MGST1: variants seen among roughly 807,000 people sequenced by gnomAD.
MGST1 encodes glutathione S-transferase 12.
A neutral mutation model predicts 8.9 loss-of-function variants in MGST1; 5 were observed. The observed-to-expected ratio is 0.56, with a 90% CI of 0.29 to 1.19. MGST1 has a LOEUF of 1.19. Ranked by LOEUF, MGST1 falls within the 50% of genes most tolerant of loss-of-function variation. MGST1 has a pLI of 0.08. For synonymous variants in MGST1, 54 were observed against 67.8 expected, an observed-to-expected ratio of 0.80 and a Z score of 1.00; for missense variants, 182 against 187.4, an observed-to-expected ratio of 0.97 and a Z score of 0.17.
At chr12:16,539,453 T>C (rs1334149988) in intron 4 of MGST1, among the ~76,000 whole-genome samples, 1 of 152,324 alleles carries the variant, frequency 6.6e-6, no homozygotes, top group East Asian at 1.9e-4. Flanking sequence ...TATCCCAAGA[T>C]AATTTCAATG....
At chr12:16,387,333 CATT>C (rs1940512453) in intron 1 of MGST1, among the ~76,000 whole-genome samples, 1 of 152,098 alleles carries the variant, frequency 6.6e-6, no homozygotes, top group Admixed American at 6.6e-5. Context: ...GCTGTCCTAA[CATT>C]ATAGTGCAAA....
chr12:16,585,901 T>C lies in MGST1; in HGVS notation n.483-3627T>C, dbSNP rs1405623372. On this transcript the variant is annotated intron_variant and non_coding_transcript_variant, in intron 4 of 4. Transcript: ENST00000538857. The surrounding 1 kb of genome is among the most constrained non-coding windows in gnomAD (Gnocchi z 4.7). ...AAGTAAAACATCATTTAGTCATTTA[T>C]AGTCTCAGAAATCTTGCTTATCCTA... 6.6e-6 allele frequency among the ~76,000 whole-genome samples: 1 copy of C among 152,202 alleles called. No individual in the cohort carries two copies. The highest frequency in any genetic ancestry group is 1.5e-5 in the Non-Finnish European group (1 of 68,022).
intron 1 of MGST1, among the ~76,000 whole-genome samples, chr12:16,385,620 C>T (rs1215070750): frequency 6.6e-6 from 1 of 151,936 alleles, no homozygotes; most frequent in Non-Finnish European, 1.5e-5. Context: ...TAATCTGATG[C>T]AACTGTATCT....
In MGST1 at chr12:16,578,547, G is replaced by A. The variant is rs1173829691; in HGVS notation, n.483-10981G>A. On this transcript the variant is annotated intron_variant and non_coding_transcript_variant, in intron 4 of 4. Coordinates refer to the MGST1 transcript ENST00000538857. The stretch of plus-strand genomic sequence containing the variant: ...TAAAAATCACATTAGGCCGGGCGCC[G>A]TGGCTCATGCCTGTAATCCCAGCCC... Among the ~76,000 whole-genome samples, 8 of 152,258 alleles carry A rather than the reference G, an allele frequency of 5.3e-5. No homozygotes were observed. In the South Asian group the frequency reaches 8.3e-4, roughly 16 times the overall value.
downstream of MGST1, among the ~76,000 whole-genome samples, chr12:16,591,586 G>T (rs368730581): frequency 1.3e-5 from 2 of 151,968 alleles, no homozygotes; most frequent in East Asian, 3.9e-4. The surrounding 1 kb of genome is among the most constrained non-coding windows in gnomAD (Gnocchi z 4.1). Flanking sequence ...TATACAGAAT[G>T]ATCACATTTA....
intron 3 of MGST1, among the ~76,000 whole-genome samples, chr12:16,371,769 A>G (rs1336028909): frequency 6.6e-6 from 1 of 152,112 alleles, no homozygotes; most frequent in Non-Finnish European, 1.5e-5. Flanking sequence ...ATAAGTACCT[A>G]TGTAACATAC....
At chr12:16,457,199 A>G (rs1396753948) in intron 4 of MGST1, among the ~76,000 whole-genome samples, 1 of 151,992 alleles carries the variant, frequency 6.6e-6, no homozygotes, top group African/African-American at 2.4e-5. Context: ...ACTAATGCAT[A>G]CTTATTAAAT....
chr12:16,393,337 C>A (rs1163956294), intron 1 of MGST1, among the ~76,000 whole-genome samples: 1 of 152,162 alleles, frequency 6.6e-6, no homozygotes, highest in Non-Finnish European at 1.5e-5. Flanking sequence ...TAGCTTCCTG[C>A]AGTTTCCTTC....
chr12:16,351,869 A>G (rs899905098), intron 1 of MGST1, among the ~76,000 whole-genome samples: 1 of 152,210 alleles, frequency 6.6e-6, no homozygotes, highest in Non-Finnish European at 1.5e-5. Flanking sequence ...TGATTTCTTT[A>G]TCTGCAAAAT....
intron 4 of MGST1, among the ~76,000 whole-genome samples, chr12:16,569,285 C>T (rs1378141785): frequency 2.0e-5 from 3 of 152,160 alleles, no homozygotes; most frequent in Non-Finnish European, 4.4e-5. Flanking sequence ...TTTTCCTTCT[C>T]ACTATACTTC....
downstream of MGST1, among the ~76,000 whole-genome samples, chr12:16,441,028 C>T (rs1941034517): frequency 1.3e-5 from 2 of 151,776 alleles, no homozygotes; most frequent in African/African-American, 4.8e-5. Flanking sequence ...TAAACCACCT[C>T]TTTAATTCTT....
At chr12:16,449,177 A>G (rs1485558612) in intron 4 of MGST1, among the ~76,000 whole-genome samples, 1 of 151,960 alleles carries the variant, frequency 6.6e-6, no homozygotes, top group Non-Finnish European at 1.5e-5. Flanking sequence ...CAGGCTGTAC[A>G]GGAAGCTTGT....
At chr12:16,473,013 C>T (rs780447517) in intron 4 of MGST1, among the ~76,000 whole-genome samples, 3 of 152,202 alleles carry the variant, frequency 2.0e-5, no homozygotes, top group African/African-American at 7.2e-5. Context: ...CAGCTAAGAT[C>T]AATCCCTACC....
chr12:16,540,669 G>T (rs761675656), intron 4 of MGST1, among the ~76,000 whole-genome samples: 2 of 152,292 alleles, frequency 1.3e-5, no homozygotes, highest in South Asian at 4.1e-4. Context: ...GGTGGCTCAC[G>T]CCTGTAATGC....
At chr12:16,554,039 G>T (rs1942092915) in intron 4 of MGST1, among the ~76,000 whole-genome samples, 1 of 152,038 alleles carries the variant, frequency 6.6e-6, no homozygotes, top group Admixed American at 6.5e-5. Context: ...TTATGGTAAG[G>T]AATAAGAAGA....
At chr12:16,445,486 A>G (rs948311306) in intron 4 of MGST1, among the ~76,000 whole-genome samples, 3 of 151,962 alleles carry the variant, frequency 2.0e-5, no homozygotes, top group African/African-American at 7.2e-5. Flanking sequence ...CAACTGATCA[A>G]TGTGATGTTC....
chr12:16,415,032 T>G (rs1329748895), intron 1 of MGST1, among the ~76,000 whole-genome samples: 1 of 152,016 alleles, frequency 6.6e-6, no homozygotes, highest in East Asian at 1.9e-4. Flanking sequence ...CTCAAAAAAT[T>G]TTTTTTTCTG....
At chr12:16,533,459 T>C (rs1941734460) in intron 4 of MGST1, among the ~76,000 whole-genome samples, 1 of 152,168 alleles carries the variant, frequency 6.6e-6, no homozygotes. Flanking sequence ...CTATGAGTTA[T>C]ACTGTAAATT....
chr12:16,534,261 G>A (rs1941740379), intron 4 of MGST1, among the ~76,000 whole-genome samples: 1 of 152,198 alleles, frequency 6.6e-6, no homozygotes. Flanking sequence ...AAAGTACTAT[G>A]AAACACATAT....
Sources: gnomAD v4.1 joint callset for allele counts (sites outside exome capture counted in the v4.1 genomes callset) on GRCh38, gnomAD v4.1.1 for gene constraint, Gnocchi (gnomAD v3.1) non-coding constraint, MANE v1.5 for transcripts, NCBI Gene and HGNC (gene_info 2026-07-23, HGNC 2026-07-21) for gene names.